The following LPP variants were observed in gnomAD, a reference collection of about 807,000 sequenced individuals.
LPP encodes lipoma-preferred partner.
LPP carries 38 observed loss-of-function variants against 60.4 expected under a neutral mutation model. That is an observed-to-expected ratio of 0.63 (90% confidence interval 0.49 to 0.83). The LOEUF is 0.83. Ranked by LOEUF, LPP falls within the 40% of genes least tolerant of loss-of-function variation. The probability of loss-of-function intolerance (pLI) is 0.00; values close to 1 mark genes in which losing one functional copy is unlikely to be tolerated. For missense variants in LPP, 902 were observed against 783.6 expected (o/e 1.15, Z -1.80); for synonymous variants, 328 against 290.8 (o/e 1.13, Z -1.30).
At chr3:188,484,557 T>C (rs1805766525) in intron 4 of LPP, 35 bp from the exon 5 acceptor site, 12 of 1,454,248 alleles carry the variant, frequency 8.3e-6, no homozygotes, top group Non-Finnish European at 1.2e-5. Context: ...CGTTGCATCC[T>C]TATTAACTTC....
At chr3:188,662,777 T>A (rs1854875412) in intron 7 of LPP, among the ~76,000 whole-genome samples, 1 of 152,256 alleles carries the variant, frequency 6.6e-6, no homozygotes, top group African/African-American at 2.4e-5. Flanking sequence ...CTTTGTGCAA[T>A]GCACACATTC....
intron 4 of LPP, among the ~76,000 whole-genome samples, chr3:188,463,051 G>A (rs1390014067): frequency 6.6e-6 from 1 of 152,178 alleles, no homozygotes; most frequent in East Asian, 1.9e-4. Flanking sequence ...GCTGCAATGA[G>A]CTGAGATTGT....
chr3:188,395,043 A>G (rs1402688405), intron 3 of LPP, among the ~76,000 whole-genome samples: 1 of 152,202 alleles, frequency 6.6e-6, no homozygotes, highest in Non-Finnish European at 1.5e-5. Flanking sequence ...AATAAAAATT[A>G]TATTTCAGAG....
intron 4 of LPP, among the ~76,000 whole-genome samples, chr3:188,470,640 A>G (rs2149519833): frequency 6.6e-6 from 1 of 152,210 alleles, no homozygotes; most frequent in Middle Eastern, 3.4e-3. Flanking sequence ...TAGAGGGCTG[A>G]AGGTGGGAAG....
rs531293218 is a variant in LPP, at chr3:188,880,902, G to A, written c.*6423G>A. On this transcript the variant is annotated 3_prime_UTR_variant, in exon 12 of 12. Coordinates refer to ENST00000617246, the MANE Select transcript of LPP (RefSeq NM_001375462.1). ...GAATCATGCTTTGGGAGGCCAAGGC[G>A]GGCCGATCACGAGGTCAGGAGATCG... The A allele has an allele frequency of 8.2e-5, 14 of 170,340 alleles. No homozygotes were observed. The highest frequency in any genetic ancestry group is 1.5e-4 in the Non-Finnish European group (12 of 78,680). 10.6% of individuals were successfully genotyped at this position (170,340 alleles called of 1,614,324 possible). A position where few individuals can be genotyped will look rare whatever the true frequency, so the allele number is the denominator to read the frequency against.
intron 4 of LPP, among the ~76,000 whole-genome samples, chr3:188,411,879 A>C (rs898830670): frequency 1.3e-5 from 2 of 152,264 alleles, no homozygotes; most frequent in African/African-American, 4.8e-5. Flanking sequence ...TTATCTTACT[A>C]ATACACTCTG....
At chr3:188,540,265 GC>G (rs761849210) in intron 6 of LPP, among the ~76,000 whole-genome samples, 12 of 151,942 alleles carry the variant, frequency 7.9e-5, no homozygotes, top group African/African-American at 1.2e-4. Flanking sequence ...TATTATTTTT[GC>G]CCCGTATTAA....
intron 7 of LPP, among the ~76,000 whole-genome samples, chr3:188,658,712 A>G (rs1853917578): frequency 6.6e-6 from 1 of 152,166 alleles, no homozygotes; most frequent in African/African-American, 2.4e-5. Flanking sequence ...CTACTCTGGG[A>G]AGGATTGACC....
At position 188,265,901 on chromosome 3, in the gene LPP, G is replaced by GTGTGTA. The variant is rs1247188423; in HGVS notation, c.-67+40377_-67+40378insGTATGT. On this transcript the variant is annotated intron_variant, in intron 2 of 11. Coordinates refer to ENST00000617246, the MANE Select transcript of LPP (RefSeq NM_001375462.1). ...TGTGTGTGTGTGTGTGTGTGTGTGT[G>GTGTGTA]TGTATGTGTTTTGCTTTTACTTTAT... Among the ~76,000 whole-genome samples the GTGTGTA allele has an allele frequency of 2.0e-5, 3 of 151,284 alleles. No homozygotes were observed. The East Asian group carries it at 5.8e-4, about 29-fold the overall frequency.
chr3:188,873,365 A>G (rs1051200922), intron 11 of LPP, among the ~76,000 whole-genome samples: 1 of 152,240 alleles, frequency 6.6e-6, no homozygotes, highest in African/African-American at 2.4e-5. Flanking sequence ...GGTAGATAGC[A>G]GAGGCGAGGT....
intron 3 of LPP, among the ~76,000 whole-genome samples, chr3:188,378,203 T>A (rs144942734): frequency 0.011 from 1,700 of 152,292 alleles, 29 homozygotes; most frequent in African/African-American, 0.037. Flanking sequence ...TCAAGCTGCA[T>A]GCTGGGAGAA....
chr3:188,754,051 G>C (rs1257769541), intron 8 of LPP, among the ~76,000 whole-genome samples: 1 of 152,186 alleles, frequency 6.6e-6, no homozygotes, highest in African/African-American at 2.4e-5. Flanking sequence ...CAAGAAAATA[G>C]TGAGAACTCA....
chr3:188,270,237 C>T (rs16848776), intron 2 of LPP, among the ~76,000 whole-genome samples: 97,621 of 151,600 alleles, frequency 0.64, 31,777 homozygotes, highest in Middle Eastern at 0.74. Flanking sequence ...GCCTAAGTTT[C>T]TTTTTCTTTC....
intron 6 of LPP, among the ~76,000 whole-genome samples, chr3:188,571,340 A>G (rs1340470774): frequency 1.3e-5 from 2 of 152,076 alleles, no homozygotes; most frequent in African/African-American, 2.4e-5. Flanking sequence ...GATAGATGTT[A>G]TATATCTGTG....
chr3:188,296,418 C>T (rs1747901906), intron 2 of LPP, among the ~76,000 whole-genome samples: 1 of 152,164 alleles, frequency 6.6e-6, no homozygotes, highest in Non-Finnish European at 1.5e-5. Flanking sequence ...TAGTTCTAGG[C>T]TGACTGAAGA....
chr3:188,657,258 G>GTCTATATATATATATATATATA (rs1553782707), intron 7 of LPP, among the ~76,000 whole-genome samples: 1 of 89,812 alleles, frequency 1.1e-5, no homozygotes, highest in African/African-American at 4.1e-5. Context: ...CTGTCAAGGT[G>GTCTATATATATATATATATATA]TATATATATA....
chr3:188,264,265 G>A (rs1265947629), intron 2 of LPP, among the ~76,000 whole-genome samples: 4 of 151,852 alleles, frequency 2.6e-5, no homozygotes, highest in Non-Finnish European at 4.4e-5. Context: ...TTTTGTGTGT[G>A]TGTGTGAGAG....
chr3:188,666,315 G>T (rs751866394), intron 7 of LPP, among the ~76,000 whole-genome samples: 2 of 152,116 alleles, frequency 1.3e-5, no homozygotes, highest in African/African-American at 4.8e-5. Context: ...AGCCAGTGAC[G>T]CTCTATAGTA....
At chr3:188,790,449 A>G (rs1743328571) in intron 9 of LPP, among the ~76,000 whole-genome samples, 1 of 152,030 alleles carries the variant, frequency 6.6e-6, no homozygotes, top group African/African-American at 2.4e-5. Context: ...TCTGGAAAAG[A>G]GTTTTACTTT....
Sources: gnomAD v4.1 joint callset for allele counts (sites outside exome capture counted in the v4.1 genomes callset) on GRCh38, gnomAD v4.1.1 for gene constraint, MANE v1.5 for transcripts, NCBI Gene and HGNC (gene_info 2026-07-23, HGNC 2026-07-21) for gene names.